ITPR2: variants seen among roughly 807,000 people sequenced by gnomAD.
The protein encoded by ITPR2 is inositol 1,4,5-trisphosphate-gated calcium channel ITPR2.
In ITPR2, 207 loss-of-function variants were observed where a neutral mutation model predicts 317.1. The ratio of observed to expected loss-of-function variants is 0.65; its 90% CI spans 0.58 to 0.73. The LOEUF (loss-of-function observed/expected upper bound fraction) is 0.73, where lower values mean the gene tolerates loss of function less well. Ranked by LOEUF, ITPR2 falls within the 30% of genes least tolerant of loss-of-function variation. ITPR2 has a pLI of 0.00. For synonymous variants in ITPR2, 1,156 were observed against 1,149.1 expected, an observed-to-expected ratio of 1.01 and a Z score of -0.12; for missense variants, 2,613 against 3,284.0, an observed-to-expected ratio of 0.80 and a Z score of 4.99.
chr12:26,342,585 G>T (rs1313639437), intron 55 of ITPR2, among the ~76,000 whole-genome samples: 1 of 144,046 alleles, frequency 6.9e-6, no homozygotes, highest in African/African-American at 2.6e-5. Flanking sequence ...ATTCTTTTTT[G>T]TTTGTTTGTT....
chr12:26,490,735 C>A (rs551768405), intron 39 of ITPR2, among the ~76,000 whole-genome samples: 4 of 152,348 alleles, frequency 2.6e-5, no homozygotes, highest in African/African-American at 9.6e-5. Flanking sequence ...ATCACTTGAA[C>A]CCAGGAGGCA....
chr12:26,492,645 T>C (rs1942834727), intron 39 of ITPR2, among the ~76,000 whole-genome samples: 1 of 152,130 alleles, frequency 6.6e-6, no homozygotes, highest in Admixed American at 6.5e-5. Context: ...ATAAGTGAAA[T>C]AGTGGAATCT....
rs548867781 is a variant in ITPR2, at chr12:26,823,054, G to A, written c.92+9636C>T. The stretch of plus-strand genomic sequence containing the variant: ...TTCTAATGATCCTTCCAAGTTCAGC[G>A]AAAATGCCACCTCCTCCTTGAAGCT... On this transcript the variant is annotated intron_variant, in intron 1 of 56. Coordinates refer to ENST00000381340, the MANE Select transcript of ITPR2 (RefSeq NM_002223.4). 9.9e-5 allele frequency among the ~76,000 whole-genome samples: 15 copies of A among 152,058 alleles called. No homozygotes were observed. The South Asian group carries it at 1.5e-3, about 15-fold the overall frequency.
At chr12:26,758,794 C>T (rs1329222927) in intron 2 of ITPR2, among the ~76,000 whole-genome samples, 1 of 152,218 alleles carries the variant, frequency 6.6e-6, no homozygotes, top group Non-Finnish European at 1.5e-5. Context: ...GAATTTCCTA[C>T]ATTCTACTTA....
rs1364391604 is a variant in ITPR2, at chr12:26,501,428, C to T, written c.5074-6168G>A. On this transcript the variant is annotated intron_variant, in intron 37 of 56. Transcript: ENST00000381340. Reference sequence around the variant, plus strand: ...TCCTTCGGGAGAATATGGTCAATCTCCTATAATCTAGCTGTTTAATCATTT... The same window carrying T: ...TCCTTCGGGAGAATATGGTCAATCTTCTATAATCTAGCTGTTTAATCATTT... Among the ~76,000 whole-genome samples, 3 of 152,154 alleles carry T rather than the reference C, an allele frequency of 2.0e-5. No homozygotes were observed. In the South Asian group the frequency reaches 6.2e-4, roughly 32 times the overall value.
At chr12:26,354,965 G>A (rs1166388096) in intron 55 of ITPR2, among the ~76,000 whole-genome samples, 3 of 152,154 alleles carry the variant, frequency 2.0e-5, no homozygotes, top group Non-Finnish European at 4.4e-5. Flanking sequence ...TACCTGGCAA[G>A]TTGGTGGTTC....
chr12:26,546,094 TAAG>T (rs1172039828), intron 37 of ITPR2, among the ~76,000 whole-genome samples: 2 of 152,194 alleles, frequency 1.3e-5, no homozygotes, highest in African/African-American at 4.8e-5. Context: ...AATTAAGAAA[TAAG>T]ATATGTATGC....
chr12:26,457,052 C>A (rs1415873837), intron 45 of ITPR2, among the ~76,000 whole-genome samples: 2 of 152,098 alleles, frequency 1.3e-5, no homozygotes, highest in Non-Finnish European at 2.9e-5. Context: ...TAATAGTGAA[C>A]AAAACAGACC....
intron 55 of ITPR2, among the ~76,000 whole-genome samples, chr12:26,386,827 C>G (rs894713876): frequency 5.9e-5 from 9 of 152,100 alleles, no homozygotes; most frequent in African/African-American, 1.9e-4. Context: ...TTCTATGAGA[C>G]AGAAGAAACT....
rs1946024505 is a variant in ITPR2, at chr12:26,602,470, CAG to C, written c.3576_3577del (p.Val1194AlafsTer3). On this transcript the variant is annotated frameshift_variant, in exon 28 of 57. Transcript: ENST00000381340. LOFTEE classifies it high-confidence loss of function. ...ATTCCGACACTTTTTATTCTGCACA[CAG>C]AGTTTACTTAGCCTGATCAAAATCT... The C allele has an allele frequency of 6.2e-7, 1 of 1,613,308 alleles. No individual in the cohort carries two copies. Among genetic ancestry groups the C allele is most frequent in the Non-Finnish European group, 8.5e-7 (1 of 1,179,532 alleles).
rs10687022 is a variant in ITPR2, at chr12:26,383,650, ATTTT to A, written c.7857+3780_7857+3783del. Among the ~76,000 whole-genome samples, 4 of 134,356 alleles carry A rather than the reference ATTTT, an allele frequency of 3.0e-5. No homozygotes were observed. In the East Asian group the frequency reaches 6.5e-4, roughly 22 times the overall value. 88.1% of individuals were successfully genotyped at this position (134,356 alleles called of 152,430 possible). The stretch of plus-strand genomic sequence containing the variant: ...ATGTGCCCACCACCACGCCTGGCTA[ATTTT>A]TTTTTTTTTTTTTTGGTATTTTTAA... On this transcript the variant is annotated intron_variant, in intron 55 of 56. Coordinates refer to ENST00000381340, the MANE Select transcript of ITPR2 (RefSeq NM_002223.4).
chr12:26,518,528 G>A (rs929601723), intron 37 of ITPR2, among the ~76,000 whole-genome samples: 4 of 151,684 alleles, frequency 2.6e-5, no homozygotes, highest in Admixed American at 2.0e-4. Context: ...AAATGTTGTC[G>A]GGGAAGGGGG....
intron 1 of ITPR2, 33 bp from the exon 2 acceptor site, chr12:26,790,260 T>C (rs1352173747): frequency 6.5e-7 from 1 of 1,531,822 alleles, no homozygotes; most frequent in Non-Finnish European, 9.1e-7. Flanking sequence ...ATTGTTAACA[T>C]CCTTGTCATA....
chr12:26,808,157 A>G (rs1232795426), intron 1 of ITPR2, among the ~76,000 whole-genome samples: 2 of 152,254 alleles, frequency 1.3e-5, no homozygotes, highest in East Asian at 1.9e-4. Context: ...GCCAGAGAAC[A>G]AAGCCTACAA....
At chr12:26,406,717 T>A (rs1043721506) in intron 52 of ITPR2, 1 of 152,198 alleles carries the variant, frequency 6.6e-6, no homozygotes, top group African/African-American at 2.4e-5. Context: ...AAGTTATTTT[T>A]AAATTTAAGT....
intron 13 of ITPR2, among the ~76,000 whole-genome samples, chr12:26,670,015 C>T (rs1396161709): frequency 4.6e-5 from 7 of 152,234 alleles, no homozygotes; most frequent in Admixed American, 1.3e-4. Context: ...CGCCATTGCC[C>T]AGGCTTGCTT....
At chr12:26,458,722 T>C (rs1432577900) in intron 45 of ITPR2, among the ~76,000 whole-genome samples, 1 of 152,022 alleles carries the variant, frequency 6.6e-6, no homozygotes, top group African/African-American at 2.4e-5. Context: ...AAGACATGAG[T>C]TTGTTTATTC....
At chr12:26,595,347 T>C in intron 32 of ITPR2, 118 bp downstream of exon 32, 4 of 946,360 alleles carry the variant, frequency 4.2e-6, no homozygotes, top group Non-Finnish European at 6.4e-6. Context: ...CACAACTTTA[T>C]GAATGAATGC....
chr12:26,372,749 T>C (rs11048487), intron 55 of ITPR2, among the ~76,000 whole-genome samples: 2,353 of 152,318 alleles, frequency 0.015, 62 homozygotes, highest in African/African-American at 0.053. Flanking sequence ...GTTGGCAGTA[T>C]GTCTTTGTTT....
Sources: gnomAD v4.1 joint callset for allele counts (sites outside exome capture counted in the v4.1 genomes callset) on GRCh38, gnomAD v4.1.1 for gene constraint, MANE v1.5 for transcripts, NCBI Gene and HGNC (gene_info 2026-07-23, HGNC 2026-07-21) for gene names.